The following THSD7B variants were observed in gnomAD, a reference collection of about 807,000 sequenced individuals.
THSD7B encodes thrombospondin type 1 domain containing 7B.
A neutral mutation model predicts 213.6 loss-of-function variants in THSD7B; 138 were observed. The observed-to-expected ratio is 0.65, with a 90% CI of 0.56 to 0.74. THSD7B has a LOEUF of 0.74. Among genes scored for constraint, THSD7B ranks in the 30% least tolerant of loss-of-function variants. The pLI is 0.00. For synonymous variants in THSD7B, 742 were observed against 687.0 expected (o/e 1.08, Z -1.25); for missense variants, 1,931 against 1,991.5 (o/e 0.97, Z 0.58).
At chr2:137,269,718 T>C (rs1330737395) in intron 10 of THSD7B, among the ~76,000 whole-genome samples, 1 of 152,228 alleles carries the variant, frequency 6.6e-6, no homozygotes, top group Non-Finnish European at 1.5e-5. Context: ...AAAATATTCT[T>C]CCCACCCAAA....
At chr2:137,601,950 C>T (rs1354565349) in intron 17 of THSD7B, among the ~76,000 whole-genome samples, 1 of 152,192 alleles carries the variant, frequency 6.6e-6, no homozygotes, top group Non-Finnish European at 1.5e-5. Flanking sequence ...GAAAATCTGT[C>T]ATGCCTATTC....
intron 1 of THSD7B, among the ~76,000 whole-genome samples, chr2:136,811,630 T>C (rs916377326): frequency 3.3e-5 from 5 of 152,154 alleles, no homozygotes; most frequent in Non-Finnish European, 5.9e-5. Context: ...TACACTAGGA[T>C]TGGTCTTGGG....
At chr2:136,905,477 A>G (rs1422025842) in intron 2 of THSD7B, among the ~76,000 whole-genome samples, 1 of 152,256 alleles carries the variant, frequency 6.6e-6, no homozygotes. Flanking sequence ...GAAAAGAGCT[A>G]TAATAGCTAT....
intron 12 of THSD7B, among the ~76,000 whole-genome samples, chr2:137,334,569 T>G (rs1273329298): frequency 6.6e-6 from 1 of 152,086 alleles, no homozygotes; most frequent in South Asian, 2.1e-4. Context: ...TCCCCATTCC[T>G]CCAGCCCTAC....
intron 12 of THSD7B, among the ~76,000 whole-genome samples, chr2:137,344,123 G>A (rs1558764571): frequency 6.6e-6 from 1 of 151,616 alleles, no homozygotes; most frequent in Non-Finnish European, 1.5e-5. Flanking sequence ...GAGGGATCTA[G>A]GTTGCAGGCT....
chr2:136,888,427 A>C (rs1320812191), intron 2 of THSD7B, among the ~76,000 whole-genome samples: 4 of 152,090 alleles, frequency 2.6e-5, no homozygotes, highest in African/African-American at 7.2e-5. Context: ...AAAAAATTGC[A>C]TTATGTATAT....
chr2:136,956,779 A>C (rs906189526), intron 2 of THSD7B, among the ~76,000 whole-genome samples: 1 of 151,472 alleles, frequency 6.6e-6, no homozygotes, highest in Non-Finnish European at 1.5e-5. Flanking sequence ...TCCCGGGTTC[A>C]AGTGATTCTC....
chr2:136,849,973 C>T (rs1264307604), intron 1 of THSD7B, among the ~76,000 whole-genome samples: 20 of 152,040 alleles, frequency 1.3e-4, no homozygotes, highest in Admixed American at 1.3e-3. Flanking sequence ...TTCCCTTCCA[C>T]CTCTGCTGAG....
At chr2:137,038,788 G>A (rs1183457531) in intron 2 of THSD7B, among the ~76,000 whole-genome samples, 20 of 152,194 alleles carry the variant, frequency 1.3e-4, no homozygotes, top group Admixed American at 1.3e-3. Context: ...GTGGGGAGCT[G>A]GCTGTCAACA....
intron 5 of THSD7B, among the ~76,000 whole-genome samples, chr2:137,146,172 T>C (rs12993650): frequency 0.1 from 15,238 of 152,150 alleles, 1,080 homozygotes; most frequent in African/African-American, 0.2. Context: ...ACTAGAATGC[T>C]ACCAGAAAAT....
At position 136,863,863 on chromosome 2, in the gene THSD7B, A is replaced by G. The variant is rs537362937; in HGVS notation, c.-35-18281A>G. On this transcript the variant is annotated intron_variant, in intron 1 of 27. Coordinates refer to ENST00000409968, the MANE Select transcript of THSD7B (RefSeq NM_001316349.2). ...TTACGTTTATTTTACTTTTCGTGAT[A>G]AAAGATGTAAAAGTTATCCAGCAAC... Among the ~76,000 whole-genome samples, 3 of 152,316 alleles carry G rather than the reference A, an allele frequency of 2.0e-5. No individual in the cohort carries two copies. The East Asian group carries it at 5.8e-4, about 29-fold the overall frequency.
intron 12 of THSD7B, among the ~76,000 whole-genome samples, chr2:137,377,766 A>G (rs1308217723): frequency 6.6e-6 from 1 of 151,844 alleles, no homozygotes; most frequent in African/African-American, 2.4e-5. Context: ...AGCTGCGATT[A>G]CAGGCATGAA....
chr2:137,247,780 T>A (rs2105070165), intron 10 of THSD7B, among the ~76,000 whole-genome samples: 1 of 152,162 alleles, frequency 6.6e-6, no homozygotes, highest in South Asian at 2.1e-4. Flanking sequence ...AAACAGACAG[T>A]GATTTTTTTT....
chr2:137,129,552 G>A (rs1017719549), intron 5 of THSD7B, among the ~76,000 whole-genome samples: 26 of 151,798 alleles, frequency 1.7e-4, no homozygotes, highest in African/African-American at 6.3e-4. Context: ...TGATCCTCCT[G>A]CCTCAGCCTC....
chr2:136,805,085 T>G (rs1682259307), intron 1 of THSD7B, among the ~76,000 whole-genome samples: 2 of 152,190 alleles, frequency 1.3e-5, no homozygotes, highest in South Asian at 4.1e-4. Flanking sequence ...CTTTCTTTCT[T>G]CACCCTAGAA....
At chr2:137,273,976 G>C (rs1047239909) in intron 11 of THSD7B, among the ~76,000 whole-genome samples, 2 of 151,982 alleles carry the variant, frequency 1.3e-5, no homozygotes, top group African/African-American at 4.8e-5. Context: ...AACTATTAGT[G>C]GGATCTTCCA....
At chr2:137,086,241 G>A (rs1687839518) in intron 3 of THSD7B, among the ~76,000 whole-genome samples, 1 of 152,018 alleles carries the variant, frequency 6.6e-6, no homozygotes, top group South Asian at 2.1e-4. Flanking sequence ...GGAGGCTGAG[G>A]CAGGAGAATC....
intron 12 of THSD7B, among the ~76,000 whole-genome samples, chr2:137,351,249 A>G (rs991530938): frequency 1.3e-5 from 2 of 151,958 alleles, no homozygotes; most frequent in Non-Finnish European, 2.9e-5. Context: ...TAAGCTTAAT[A>G]TAGAATATTA....
At chr2:137,518,088 G>A (rs755565071) in intron 15 of THSD7B, among the ~76,000 whole-genome samples, 11 of 152,032 alleles carry the variant, frequency 7.2e-5, no homozygotes, top group Non-Finnish European at 1.0e-4. Context: ...TATGTGATTG[G>A]GCTCAAGCAG....
Sources: gnomAD v4.1 joint callset for allele counts (sites outside exome capture counted in the v4.1 genomes callset) on GRCh38, gnomAD v4.1.1 for gene constraint, MANE v1.5 for transcripts, NCBI Gene and HGNC (gene_info 2026-07-23, HGNC 2026-07-21) for gene names.